SLCO1A2: variants seen among roughly 807,000 people sequenced by gnomAD.
SLCO1A2 encodes the protein solute carrier organic anion transporter family member 1A2, also known as OATP-1.
SLCO1A2 carries 67 observed loss-of-function variants against 69.0 expected under a neutral mutation model. That is an observed-to-expected ratio of 0.97 (90% confidence interval 0.80 to 1.19). The LOEUF is 1.19. Ranked by LOEUF, SLCO1A2 falls within the 50% of genes most tolerant of loss-of-function variation. The pLI is 0.00. For missense variants in SLCO1A2, 787 were observed against 793.7 expected, an observed-to-expected ratio of 0.99 and a Z score of 0.10; for synonymous variants, 260 against 265.9, an observed-to-expected ratio of 0.98 and a Z score of 0.22.
At chr12:21,382,866 C>A (rs898704360) in intron 1 of SLCO1A2, among the ~76,000 whole-genome samples, 5 of 151,568 alleles carry the variant, frequency 3.3e-5, no homozygotes, top group African/African-American at 1.2e-4. Context: ...TCTAAGATCA[C>A]ATAGTCAGGA....
chr12:21,301,662 T>A (rs1239366443), intron 6 of SLCO1A2, among the ~76,000 whole-genome samples: 1 of 152,220 alleles, frequency 6.6e-6, no homozygotes, highest in Non-Finnish European at 1.5e-5. Flanking sequence ...AGTGGATTTC[T>A]CATGGCACAT....
chr12:21,401,744 GGATAC>G (rs1941712765), intron 1 of SLCO1A2, among the ~76,000 whole-genome samples: 1 of 151,514 alleles, frequency 6.6e-6, no homozygotes, highest in African/African-American at 2.4e-5. Context: ...ACCTGACATA[GGATAC>G]TAAAGCCTTC....
intron 12 of SLCO1A2, among the ~76,000 whole-genome samples, chr12:21,288,030 AG>A (rs780698382): frequency 2.8e-4 from 41 of 148,496 alleles, no homozygotes; most frequent in African/African-American, 6.6e-4. Context: ...AAAAAAAAAA[AG>A]AATGAGACCC....
chr12:21,294,877 T>C (rs1947467827), intron 10 of SLCO1A2: 1 of 152,176 alleles, frequency 6.6e-6, no homozygotes, highest in Non-Finnish European at 1.5e-5. Context: ...ATAGCATATG[T>C]AAAATTATAT....
chr12:21,349,163 T>C (rs1461720021), intron 2 of SLCO1A2, among the ~76,000 whole-genome samples: 1 of 151,980 alleles, frequency 6.6e-6, no homozygotes, highest in East Asian at 1.9e-4. Context: ...ATTACAAGAG[T>C]CACCTCTGGC....
Position 21,306,878 on chromosome 12 carries a change from C to T in SLCO1A2, c.442+4G>A. 6.2e-7 allele frequency: 1 copy of T among 1,607,512 alleles called. No homozygotes were observed. Among genetic ancestry groups the T allele is most frequent in the Non-Finnish European group, 8.5e-7 (1 of 1,174,428 alleles). On this transcript the variant is annotated splice_donor_region_variant and intron_variant, in intron 5 of 14. Transcript: ENST00000683939. ...ACAAAAATCAATACAATGAAGTAGA[C>T]AACCTGATGGATCCTGCGTTGGTCT...
intron 13 of SLCO1A2, 135 bp downstream of exon 13, chr12:21,275,225 C>T (rs1943583177): frequency 2.3e-6 from 2 of 876,828 alleles, no homozygotes; most frequent in East Asian, 6.7e-5. Context: ...GGGTGCAGCA[C>T]ACCAACATGG....
At chr12:21,341,232 T>C (rs770142767) in intron 2 of SLCO1A2, among the ~76,000 whole-genome samples, 2 of 151,948 alleles carry the variant, frequency 1.3e-5, no homozygotes, top group South Asian at 4.1e-4. Context: ...GGTATGCCTA[T>C]TGATGTATTC....
chr12:21,294,075 AAGATGTCATTTTCCACATATAAATC>A lies in SLCO1A2; in HGVS notation c.1282_1306del (p.Asp428LeufsTer42). ...GTTGCAATCCACATTGCAATCAGCAAAGATGTCATTTTCCACATATAAATCTTGTGGAATTCTGAAGTGATTTAAA... is the reference window on the plus strand; with the variant it reads ...GTTGCAATCCACATTGCAATCAGCAATTGTGGAATTCTGAAGTGATTTAAA... On this transcript the variant is annotated frameshift_variant, in exon 11 of 15. Transcript: ENST00000683939. LOFTEE classifies it high-confidence loss of function. The A allele has an allele frequency of 6.2e-7, 1 of 1,606,302 alleles. No homozygotes were observed.
At chr12:21,271,084 A>G (rs1384853824) in intron 14 of SLCO1A2, among the ~76,000 whole-genome samples, 1 of 151,614 alleles carries the variant, frequency 6.6e-6, no homozygotes, top group Non-Finnish European at 1.5e-5. Flanking sequence ...CAGTATAACC[A>G]CATTTAACTT....
At chr12:21,411,212 G>A (rs1302935545) in intron 1 of SLCO1A2, among the ~76,000 whole-genome samples, 1 of 152,056 alleles carries the variant, frequency 6.6e-6, no homozygotes, top group Non-Finnish European at 1.5e-5. Flanking sequence ...GCCTAAAGTT[G>A]TTAAAAAACA....
chr12:21,315,567 A>C (rs1950769053), intron 3 of SLCO1A2, among the ~76,000 whole-genome samples: 1 of 152,226 alleles, frequency 6.6e-6, no homozygotes. Flanking sequence ...TTTTTCCTCA[A>C]GGAGTTAATA....
chr12:21,360,013 T>C (rs1442447959), intron 2 of SLCO1A2, among the ~76,000 whole-genome samples: 2 of 151,622 alleles, frequency 1.3e-5, no homozygotes, highest in Non-Finnish European at 2.9e-5. Context: ...CATTATGCTA[T>C]GTAAAAAAAA....
rs1947636920 is a variant in SLCO1A2 at position 21,295,859 on chromosome 12, T to C, written c.1076-67A>G. On this transcript the variant is annotated intron_variant, in intron 9 of 14. Coordinates refer to ENST00000683939, the MANE Select transcript of SLCO1A2 (RefSeq NM_001386879.1). ...AAAGGAACAAATATGTTATCACTTTTATGTAATATGCCTTATATAAGTAAC... is the reference window on the plus strand; with the variant it reads ...AAAGGAACAAATATGTTATCACTTTCATGTAATATGCCTTATATAAGTAAC... 2.5e-5 allele frequency: 21 copies of C among 835,402 alleles called. No individual in the cohort carries two copies. In the South Asian group the frequency reaches 3.5e-4, roughly 14 times the overall value. The allele number at this position is 835,402 out of a possible 1,614,324, so 51.7% of individuals were successfully genotyped here.
intron 2 of SLCO1A2, among the ~76,000 whole-genome samples, 173 bp downstream of exon 2, chr12:21,334,415 G>A (rs1189634834): frequency 6.6e-6 from 1 of 152,012 alleles, no homozygotes; most frequent in African/African-American, 2.4e-5. Context: ...ATCCTGTGTA[G>A]ACACACCCTC....
chr12:21,270,634 T>G (rs1356545244), intron 14 of SLCO1A2, among the ~76,000 whole-genome samples: 1 of 151,728 alleles, frequency 6.6e-6, no homozygotes, highest in Admixed American at 6.6e-5. Flanking sequence ...CCTTGGGAGA[T>G]GAGCACTTTT....
At chr12:21,374,760 A>T (rs1292114207) in intron 1 of SLCO1A2, among the ~76,000 whole-genome samples, 2 of 152,072 alleles carry the variant, frequency 1.3e-5, no homozygotes, top group Admixed American at 6.6e-5. Context: ...CTTTCAATAG[A>T]TATAGAAATT....
At chr12:21,321,169 C>T (rs1951568051) in intron 2 of SLCO1A2, among the ~76,000 whole-genome samples, 1 of 152,200 alleles carries the variant, frequency 6.6e-6, no homozygotes, top group African/African-American at 2.4e-5. Context: ...CTCTTTTCTT[C>T]CTGAAATTCC....
intron 2 of SLCO1A2, among the ~76,000 whole-genome samples, chr12:21,331,359 C>A (rs985003523): frequency 1.3e-5 from 2 of 152,036 alleles, no homozygotes; most frequent in Admixed American, 6.6e-5. Flanking sequence ...GAAGCTGCAA[C>A]AGAAACCAAG....
Sources: gnomAD v4.1 joint callset for allele counts (sites outside exome capture counted in the v4.1 genomes callset) on GRCh38, gnomAD v4.1.1 for gene constraint, MANE v1.5 for transcripts, NCBI Gene and HGNC (gene_info 2026-07-23, HGNC 2026-07-21) for gene names.